Variants in GRM7 observed in about 807,000 individuals in gnomAD.
GRM7 encodes metabotropic glutamate receptor 7.
A neutral mutation model predicts 84.5 loss-of-function variants in GRM7; 35 were observed. The observed-to-expected ratio is 0.41, with a 90% CI of 0.32 to 0.55. GRM7 has a LOEUF of 0.55. Among genes scored for constraint, GRM7 ranks in the 20% least tolerant of loss-of-function variants. The probability of loss-of-function intolerance (pLI) is 0.19; values close to 1 mark genes in which losing one functional copy is unlikely to be tolerated. For synonymous variants in GRM7, 487 were observed against 455.1 expected (o/e 1.07, Z -0.89); for missense variants, 1,003 against 1,194.6 (o/e 0.84, Z 2.36).
At chr3:7,503,311 A>G (rs147050523) in intron 7 of GRM7, among the ~76,000 whole-genome samples, 3 of 152,192 alleles carry the variant, frequency 2.0e-5, no homozygotes, top group African/African-American at 7.2e-5. Context: ...TCTTAGTGTC[A>G]TGGGAACAAG....
intron 1 of GRM7, among the ~76,000 whole-genome samples, chr3:7,052,530 A>T (rs1470458732): frequency 1.3e-5 from 2 of 151,470 alleles, no homozygotes; most frequent in African/African-American, 4.8e-5. Flanking sequence ...TTTGTTTTGT[A>T]CCTCTTTGAA....
intron 1 of GRM7, among the ~76,000 whole-genome samples, chr3:7,063,975 T>G (rs990216593): frequency 1.3e-5 from 2 of 151,516 alleles, no homozygotes; most frequent in Admixed American, 6.6e-5. Flanking sequence ...GTGGTGGGTA[T>G]GCAGCGTGGG....
chr3:7,637,465 G>A (rs1575580794), intron 8 of GRM7, among the ~76,000 whole-genome samples: 1 of 152,296 alleles, frequency 6.6e-6, no homozygotes, highest in Middle Eastern at 3.4e-3. Flanking sequence ...ATCCTGAGAT[G>A]CCAGGCACAA....
At chr3:7,293,277 G>T (rs1699699274) in intron 2 of GRM7, among the ~76,000 whole-genome samples, 1 of 152,108 alleles carries the variant, frequency 6.6e-6, no homozygotes, top group Non-Finnish European at 1.5e-5. Context: ...TGATTCCTGA[G>T]ATTCTTCTTG....
chr3:7,362,851 G>A (rs923411377), intron 4 of GRM7, among the ~76,000 whole-genome samples: 1 of 152,110 alleles, frequency 6.6e-6, no homozygotes, highest in Non-Finnish European at 1.5e-5. Flanking sequence ...ATTGCAGCTG[G>A]GCATGATGGC....
At chr3:6,897,803 G>T (rs571504755) in intron 1 of GRM7, among the ~76,000 whole-genome samples, 1 of 152,316 alleles carries the variant, frequency 6.6e-6, no homozygotes, top group South Asian at 2.1e-4. Context: ...CAGGATGTAG[G>T]GAAACAGAGA....
Position 7,589,476 on chromosome 3 carries a change from G to A in GRM7, c.2451+10119G>A, listed in dbSNP as rs1487828268. 2.0e-5 allele frequency among the ~76,000 whole-genome samples: 3 copies of A among 152,306 alleles called. No homozygotes were observed. The East Asian group carries it at 5.8e-4, about 29-fold the overall frequency. On this transcript the variant is annotated intron_variant, in intron 8 of 9. Transcript: ENST00000357716. The stretch of plus-strand genomic sequence containing the variant: ...GTTACAATGTACTAGGAATGGGTCA[G>A]AATCTTAAGATGCTTCATTGTTGAC...
intron 7 of GRM7, among the ~76,000 whole-genome samples, chr3:7,505,685 G>A (rs1344954002): frequency 2.6e-5 from 4 of 152,188 alleles, no homozygotes; most frequent in African/African-American, 7.2e-5. Flanking sequence ...ACCTTCTGAA[G>A]CACTGGGACC....
At chr3:7,443,060 ACTTC>A (rs1697358209) in intron 5 of GRM7, among the ~76,000 whole-genome samples, 1 of 143,824 alleles carries the variant, frequency 7.0e-6, no homozygotes, top group Non-Finnish European at 1.5e-5. Context: ...TTTTTATTCT[ACTTC>A]CTTCTCTTTT....
intron 2 of GRM7, among the ~76,000 whole-genome samples, chr3:7,237,351 T>G (rs1575066549): frequency 6.6e-6 from 1 of 152,304 alleles, no homozygotes; most frequent in Non-Finnish European, 1.5e-5. Flanking sequence ...TCATTATTTT[T>G]TATATCCCTT....
chr3:7,266,984 A>G (rs1698665965), intron 2 of GRM7, among the ~76,000 whole-genome samples: 1 of 152,202 alleles, frequency 6.6e-6, no homozygotes, highest in African/African-American at 2.4e-5. Context: ...TTAATTTGCA[A>G]CAGTGGTTGG....
rs1700160848 is a variant in GRM7, at chr3:7,305,435, G to A, written c.879-1063G>A. ...ATATGTATACATGTGCCATGCTGGT[G>A]CGCTGCACCCACTAACGTGTCATCT... On this transcript the variant is annotated intron_variant, in intron 3 of 9. Transcript: ENST00000357716. Among the ~76,000 whole-genome samples the A allele has an allele frequency of 8.0e-5, 5 of 62,146 alleles. 1 individual carries two copies. The highest frequency in any genetic ancestry group is 6.0e-4 in the Admixed American group (4 of 6,634). 40.8% of individuals were successfully genotyped at this position (62,146 alleles called of 152,430 possible).
intron 2 of GRM7, among the ~76,000 whole-genome samples, chr3:7,263,893 G>A (rs974608091): frequency 6.6e-6 from 1 of 152,110 alleles, no homozygotes; most frequent in Non-Finnish European, 1.5e-5. Flanking sequence ...GTAAGGCAAG[G>A]TCTGCCTGCA....
At chr3:7,088,668 A>G (rs1394582831) in intron 1 of GRM7, among the ~76,000 whole-genome samples, 1 of 148,386 alleles carries the variant, frequency 6.7e-6, no homozygotes, top group Admixed American at 6.7e-5. Context: ...CTGAAGCCAC[A>G]AGGACATTGG....
At chr3:7,256,874 A>G (rs1698228899) in intron 2 of GRM7, among the ~76,000 whole-genome samples, 1 of 152,208 alleles carries the variant, frequency 6.6e-6, no homozygotes, top group African/African-American at 2.4e-5. Flanking sequence ...GAGAGAACCT[A>G]AGATAAAGTG....
rs1415726277 is a variant in GRM7, at chr3:7,139,052, A to ATAAT, written c.520-7398_520-7397insATTA. ...TATATAGTATATATCCTACTTTATA[A>ATAAT]TATATAGTACATTATATAATATTAT... On this transcript the variant is annotated intron_variant, in intron 1 of 9. Coordinates refer to ENST00000357716, the MANE Select transcript of GRM7 (RefSeq NM_000844.4). Among the ~76,000 whole-genome samples the ATAAT allele has an allele frequency of 6.1e-5, 9 of 147,608 alleles. No homozygotes were observed. In the South Asian group the frequency reaches 1.9e-3, roughly 31 times the overall value.
At chr3:7,163,423 C>T (rs115002393) in intron 2 of GRM7, among the ~76,000 whole-genome samples, 147 of 152,210 alleles carry the variant, frequency 9.7e-4, no homozygotes, top group African/African-American at 3.3e-3. Context: ...ACATGTGCAC[C>T]ACCCAAGAAA....
chr3:7,082,243 T>C (rs887958702), intron 1 of GRM7, among the ~76,000 whole-genome samples: 10 of 152,248 alleles, frequency 6.6e-5, no homozygotes, highest in Admixed American at 3.9e-4. Flanking sequence ...GCTGCTGACT[T>C]TAAGTTGAAG....
intron 2 of GRM7, among the ~76,000 whole-genome samples, chr3:7,221,853 C>G (rs1353528450): frequency 7.2e-6 from 1 of 138,074 alleles, no homozygotes; most frequent in Non-Finnish European, 1.5e-5. Flanking sequence ...GTCGCCAAGC[C>G]TGAAGTGCAG....
Sources: allele counts gnomAD v4.1 joint callset (sites outside exome capture counted in the v4.1 genomes callset), GRCh38; gene constraint gnomAD v4.1.1; transcripts MANE v1.5; gene names NCBI Gene and HGNC (gene_info 2026-07-23, HGNC 2026-07-21).